The following POLR1D variants were observed in gnomAD, a reference collection of about 807,000 sequenced individuals.
POLR1D encodes DNA-directed RNA polymerases I and III subunit RPAC2.
Under a neutral mutation model 10.8 loss-of-function variants are expected in POLR1D, and 8 were observed. The ratio of observed to expected loss-of-function variants is 0.74; its 90% CI spans 0.43 to 1.33. The LOEUF (loss-of-function observed/expected upper bound fraction) is 1.33, where lower values mean the gene tolerates loss of function less well. POLR1D is among the 40% of genes most tolerant of loss of function. The pLI is 0.01. For synonymous variants in POLR1D, 54 were observed against 57.2 expected, an observed-to-expected ratio of 0.94 and a Z score of 0.25; for missense variants, 152 against 161.7, an observed-to-expected ratio of 0.94 and a Z score of 0.32.
chr13:27,629,900 CTTTA>C (rs201566325), intron 1 of POLR1D, among the ~76,000 whole-genome samples: 19 of 151,976 alleles, frequency 1.3e-4, no homozygotes, highest in East Asian at 1.9e-4. Context: ...ATTAAAAAGA[CTTTA>C]TTTATTTATT....
At chr13:27,628,625 T>C (rs1956041200) in intron 1 of POLR1D, among the ~76,000 whole-genome samples, 1 of 152,198 alleles carries the variant, frequency 6.6e-6, no homozygotes, top group Admixed American at 6.5e-5. Flanking sequence ...AAATTGTATA[T>C]TTCAGCCTTG....
At chr13:27,621,833 G>A (rs1380339323), upstream of POLR1D, 6 of 777,238 alleles carry the variant, frequency 7.7e-6, no homozygotes, top group East Asian at 1.7e-4. Flanking sequence ...GCTGGGCCCT[G>A]CCGCGCCGCT....
chr13:27,659,246 A>C (rs1400519165), intron 2 of POLR1D, among the ~76,000 whole-genome samples: 1 of 152,224 alleles, frequency 6.6e-6, no homozygotes, highest in East Asian at 1.9e-4. Context: ...GCAGTAAAGA[A>C]GACTCACTTT....
At chr13:27,633,877 G>A (rs979323970) in intron 1 of POLR1D, among the ~76,000 whole-genome samples, 2 of 152,198 alleles carry the variant, frequency 1.3e-5, no homozygotes, top group African/African-American at 2.4e-5. Flanking sequence ...TGTTGCTGTT[G>A]TTGTTTCCAA....
intron 1 of POLR1D, among the ~76,000 whole-genome samples, chr13:27,642,248 T>TA (rs1176729176): frequency 1.3e-5 from 2 of 152,190 alleles, no homozygotes; most frequent in Non-Finnish European, 2.9e-5. Context: ...CAGACAGCCC[T>TA]AGTAGATCAA....
intron 1 of POLR1D, among the ~76,000 whole-genome samples, chr13:27,647,179 A>G (rs1956228677): frequency 1.3e-5 from 2 of 152,182 alleles, no homozygotes; most frequent in South Asian, 4.1e-4. Flanking sequence ...GTTGCTACCC[A>G]TAGCACCTTG....
intron 2 of POLR1D, chr13:27,664,635 C>T (rs765015201): frequency 3.9e-5 from 6 of 152,262 alleles, no homozygotes; most frequent in African/African-American, 7.2e-5. Flanking sequence ...GGTCTGACCT[C>T]TGTGAGTGAG....
At chr13:27,646,923 CAG>C (rs946217095) in intron 1 of POLR1D, among the ~76,000 whole-genome samples, 2 of 151,988 alleles carry the variant, frequency 1.3e-5, no homozygotes, top group African/African-American at 2.4e-5. Context: ...TTCTTGTAAA[CAG>C]AATGTTAATA....
intron 1 of POLR1D, among the ~76,000 whole-genome samples, chr13:27,641,536 GC>G (rs1956173100): frequency 6.6e-6 from 1 of 151,898 alleles, no homozygotes; most frequent in African/African-American, 2.4e-5. Context: ...CAAATATTCA[GC>G]CATTTCAAAA....
At chr13:27,636,436 A>G (rs138400552) in intron 1 of POLR1D, among the ~76,000 whole-genome samples, 2,127 of 152,320 alleles carry the variant, frequency 0.014, 43 homozygotes, top group African/African-American at 0.047. Flanking sequence ...ATTGTATTTA[A>G]TGGATCTTTA....
At chr13:27,621,291 C>G (rs1955912495), upstream of POLR1D, 1 of 152,322 alleles carries the variant, frequency 6.6e-6, no homozygotes, top group African/African-American at 2.4e-5. Flanking sequence ...CCCAAACTCT[C>G]ACTCCCCCAA....
downstream of POLR1D, among the ~76,000 whole-genome samples, chr13:27,625,307 A>G (rs543694747): frequency 6.6e-6 from 1 of 152,282 alleles, no homozygotes; most frequent in Admixed American, 6.5e-5. Flanking sequence ...GAGTAGAAGC[A>G]GAGAGAGACA....
chr13:27,632,641 A>ACCCCCCCCCC (rs11378549), intron 1 of POLR1D, among the ~76,000 whole-genome samples: 1 of 145,148 alleles, frequency 6.9e-6, no homozygotes, highest in Non-Finnish European at 1.5e-5. Context: ...AAATTGCAGC[A>ACCCCCCCCCC]CCCCCCGCCC....
At chr13:27,666,399 C>T (rs1956419511) in exon 3 of POLR1D, 1 of 156,462 alleles carries the variant, frequency 6.4e-6, no homozygotes, top group African/African-American at 2.4e-5. Context: ...TTATGAAAAG[C>T]TGTAGCCCTC....
intron 2 of POLR1D, among the ~76,000 whole-genome samples, chr13:27,661,239 A>G (rs901977635): frequency 5.3e-5 from 8 of 152,224 alleles, no homozygotes; most frequent in African/African-American, 1.9e-4. Flanking sequence ...TAACCTGGAT[A>G]GAATGCCAGA....
intron 1 of POLR1D, among the ~76,000 whole-genome samples, chr13:27,630,086 A>C (rs889590664): frequency 6.6e-6 from 1 of 151,586 alleles, no homozygotes; most frequent in South Asian, 2.1e-4. Flanking sequence ...TAATTTTTGT[A>C]TTTTTTAGTA....
chr13:27,666,469 T>C (rs1956420146), exon 3 of POLR1D: 1 of 152,822 alleles, frequency 6.5e-6, no homozygotes, highest in Admixed American at 6.5e-5. Flanking sequence ...TTCCCTTAGG[T>C]GAACAATGTA....
chr13:27,624,233 A>G (rs1202557725), downstream of POLR1D, among the ~76,000 whole-genome samples: 1 of 152,082 alleles, frequency 6.6e-6, no homozygotes, highest in Admixed American at 6.5e-5. Context: ...TTGTGCTTTC[A>G]TTACACCCTG....
chr13:27,661,305 A>G (rs780603946), intron 2 of POLR1D, among the ~76,000 whole-genome samples: 8 of 152,238 alleles, frequency 5.3e-5, no homozygotes, highest in South Asian at 2.1e-4. Context: ...AACCAGTCTC[A>G]TGATATTTAG....
Sources: gnomAD v4.1 joint callset for allele counts (sites outside exome capture counted in the v4.1 genomes callset) on GRCh38, gnomAD v4.1.1 for gene constraint, MANE v1.5 for transcripts, NCBI Gene and HGNC (gene_info 2026-07-23, HGNC 2026-07-21) for gene names.